The following CAMSAP1 variants were observed in gnomAD, a reference collection of about 807,000 sequenced individuals.
The protein encoded by CAMSAP1 is calmodulin-regulated spectrin-associated protein 1.
In CAMSAP1, 58 loss-of-function variants were observed where a neutral mutation model predicts 143.5. That is an observed-to-expected ratio of 0.40 (90% CI 0.33 to 0.50). CAMSAP1 has a LOEUF of 0.50. Ranked by LOEUF, CAMSAP1 falls within the 20% of genes least tolerant of loss-of-function variation. The pLI is 0.45. For missense variants in CAMSAP1, 1,969 were observed against 2,115.7 expected, an observed-to-expected ratio of 0.93 and a Z score of 1.36; for synonymous variants, 945 against 859.3, an observed-to-expected ratio of 1.10 and a Z score of -1.74.
chr9:135,872,758 T>G (rs568149777), intron 3 of CAMSAP1, among the ~76,000 whole-genome samples: 1 of 152,242 alleles, frequency 6.6e-6, no homozygotes, highest in Admixed American at 6.5e-5. Flanking sequence ...CCACCAGTGA[T>G]GAAAAGCAAC....
chr9:135,903,264 C>T (rs1206693704), intron 1 of CAMSAP1, among the ~76,000 whole-genome samples: 1 of 152,252 alleles, frequency 6.6e-6, no homozygotes. Flanking sequence ...AATGTGATGA[C>T]TAGTCAGGTT....
rs766685503 is a variant in CAMSAP1 at position 135,815,840 on chromosome 9, G to C, written c.4387+50C>G. ...ACAGATATTGAAAGAGCCACGCAAA[G>C]GCGTATGGCCATGCCCACGATGACC... is the stretch of plus-strand genomic sequence containing the variant. On this transcript the variant is annotated intron_variant, in intron 15 of 16. Coordinates refer to ENST00000389532, the MANE Select transcript of CAMSAP1 (RefSeq NM_015447.4). 12 of 1,447,230 alleles carry C rather than the reference G, an allele frequency of 8.3e-6. No individual in the cohort carries two copies. The African/African-American group carries it at 1.7e-4, about 20-fold the overall frequency. 89.6% of individuals were successfully genotyped at this position (1,447,230 alleles called of 1,614,324 possible).
intron 7 of CAMSAP1, chr9:135,849,920 G>C (rs1220055857): frequency 2.4e-6 from 1 of 411,104 alleles, no homozygotes; most frequent in African/African-American, 2.0e-5. Context: ...TTTTAGAGTT[G>C]TGCAATTTTT....
chr9:135,808,908 T>C lies in CAMSAP1; in HGVS notation c.*2401A>G, dbSNP rs937858473. ...TTTGGTTTACACTTTCTTTACAAAG[T>C]TATATCCTAAATGGGTAGAGCAGCT... On this transcript the variant is annotated 3_prime_UTR_variant, in exon 17 of 17. Coordinates refer to ENST00000389532, the MANE Select transcript of CAMSAP1 (RefSeq NM_015447.4). 2.0e-5 allele frequency: 3 copies of C among 152,214 alleles called. No individual in the cohort carries two copies. Among genetic ancestry groups the C allele is most frequent in the Non-Finnish European group, 4.4e-5 (3 of 68,030 alleles). 9.4% of individuals were successfully genotyped at this position (152,214 alleles called of 1,614,324 possible). A position where few individuals can be genotyped will look rare whatever the true frequency, so the allele number is the denominator to read the frequency against.
chr9:135,884,314 C>G (rs1838054797), intron 1 of CAMSAP1, among the ~76,000 whole-genome samples: 1 of 152,102 alleles, frequency 6.6e-6, no homozygotes, highest in Non-Finnish European at 1.5e-5. Context: ...AAGCTCTTCC[C>G]CAGGGGAAGA....
At chr9:135,842,587 G>A (rs571520722) in intron 7 of CAMSAP1, among the ~76,000 whole-genome samples, 30 of 152,304 alleles carry the variant, frequency 2.0e-4, no homozygotes, top group African/African-American at 7.2e-4. Context: ...AGTGCAGCCA[G>A]AGAGAAAGGT....
intron 1 of CAMSAP1, among the ~76,000 whole-genome samples, chr9:135,896,115 G>A (rs2131017572): frequency 6.6e-6 from 1 of 152,216 alleles, no homozygotes; most frequent in East Asian, 1.9e-4. Context: ...AGACAGACTG[G>A]TAGAGGGTAG....
chr9:135,812,924 C>CCAG (rs1181475067), intron 16 of CAMSAP1, among the ~76,000 whole-genome samples: 2 of 151,676 alleles, frequency 1.3e-5, no homozygotes, highest in East Asian at 3.9e-4. Context: ...CCACTGTACT[C>CCAG]CAGTCTGGGC....
chr9:135,820,887 G>A lies in CAMSAP1; in HGVS notation c.3774C>T (p.Asp1258=). ...GELVSLDGSA[D]LVSEGDQKPG... is the part of the protein sequence containing the mutation. ...GCTTCTGGTCGCCTTCGCTGACAAG[G>A]TCCGCCGAGCCATCGAGGCTTACCA... The change falls in exon 11 of 17, where the codon GAC becomes GAT. Residue 1258 remains aspartate, a synonymous_variant. Coordinates refer to ENST00000389532, the MANE Select transcript of CAMSAP1 (RefSeq NM_015447.4). The surrounding 1 kb of genome is among the most constrained non-coding windows in gnomAD (Gnocchi z 4.4). 2 of 1,613,606 alleles carry A rather than the reference G, an allele frequency of 1.2e-6. No homozygotes were observed. Among genetic ancestry groups the A allele is most frequent in the Non-Finnish European group, 1.7e-6 (2 of 1,179,902 alleles).
At chr9:135,828,351 A>G (rs2131677549) in intron 7 of CAMSAP1, among the ~76,000 whole-genome samples, 1 of 152,260 alleles carries the variant, frequency 6.6e-6, no homozygotes, top group South Asian at 2.1e-4. Context: ...TGGAGGAGGG[A>G]AGTAAGGACG....
chr9:135,841,963 T>C lies in CAMSAP1; in HGVS notation c.1045+8174A>G, dbSNP rs1249955677. Among the ~76,000 whole-genome samples the C allele has an allele frequency of 2.0e-5, 3 of 152,124 alleles. No homozygotes were observed. In the East Asian group the frequency reaches 5.8e-4, roughly 29 times the overall value. On this transcript the variant is annotated intron_variant, in intron 7 of 16. Transcript: ENST00000389532. ...TCTCCTCCAAAGGATCACAACTCCT[T>C]GCCAGCAAGGGAACAAAGCTGGACG... is the stretch of plus-strand genomic sequence containing the variant.
In CAMSAP1 at chr9:135,818,359, G is replaced by GC; in HGVS notation, c.4168+48dup. 6.6e-7 allele frequency: 1 copy of GC among 1,505,844 alleles called. No homozygotes were observed. The highest frequency in any genetic ancestry group is 1.4e-5 in the African/African-American group (1 of 72,340). The allele number at this position is 1,505,844 out of a possible 1,614,324, so 93.3% of individuals were successfully genotyped here. A position where few individuals can be genotyped will look rare whatever the true frequency, so the allele number is the denominator to read the frequency against. ...GAAATGAGCTGAAGAACGTGAGGCCGCCGCCCGCGGAAGGAAGCGCTGCCC... is the reference window on the plus strand; with the variant it reads ...GAAATGAGCTGAAGAACGTGAGGCCGCCCGCCCGCGGAAGGAAGCGCTGCCC... On this transcript the variant is annotated intron_variant, in intron 13 of 16. Transcript: ENST00000389532. This position sits in a 1 kb window ranked among gnomAD's most constrained non-coding sequence, Gnocchi z 7.7.
At chr9:135,877,373 C>A (rs939806854) in intron 3 of CAMSAP1, among the ~76,000 whole-genome samples, 3 of 151,554 alleles carry the variant, frequency 2.0e-5, no homozygotes, top group African/African-American at 7.3e-5. Flanking sequence ...CATGAAAGAG[C>A]TTGTTTAGGG....
chr9:135,847,698 G>A (rs923061545), intron 7 of CAMSAP1, among the ~76,000 whole-genome samples: 9 of 148,066 alleles, frequency 6.1e-5, no homozygotes, highest in Admixed American at 6.8e-5. Context: ...CACACCTGTC[G>A]GGGGGTGGGA....
intron 7 of CAMSAP1, among the ~76,000 whole-genome samples, chr9:135,828,933 A>T (rs1020376625): frequency 6.6e-6 from 1 of 152,190 alleles, no homozygotes; most frequent in Non-Finnish European, 1.5e-5. Context: ...AAAAACCCCA[A>T]CCAAGAACAT....
chr9:135,907,202 G>T lies in CAMSAP1; in HGVS notation c.-43C>A, dbSNP rs1261324125. On this transcript the variant is annotated 5_prime_UTR_variant, in exon 1 of 17. Transcript: ENST00000389532. Reference sequence around the variant, plus strand: ...AGGCGGCGGCCCGGCCGCAACAAAGGCGCCGCCGCCCCTCGCCGCGCCGGG... The same window carrying T: ...AGGCGGCGGCCCGGCCGCAACAAAGTCGCCGCCGCCCCTCGCCGCGCCGGG... 4 of 1,046,224 alleles carry T rather than the reference G, an allele frequency of 3.8e-6. No homozygotes were observed. Among genetic ancestry groups the T allele is most frequent in the Non-Finnish European group, 4.6e-6 (4 of 868,826 alleles). 64.8% of individuals were successfully genotyped at this position (1,046,224 alleles called of 1,614,324 possible). A position where few individuals can be genotyped will look rare whatever the true frequency, so the allele number is the denominator to read the frequency against.
chr9:135,868,609 A>AT (rs767495608), intron 3 of CAMSAP1, among the ~76,000 whole-genome samples: 5,688 of 93,334 alleles, frequency 0.061, 816 homozygotes, highest in African/African-American at 0.11. Context: ...GAGATTGGCA[A>AT]TTTTTTTTTT....
At chr9:135,857,790 G>A (rs773418232) in intron 5 of CAMSAP1, among the ~76,000 whole-genome samples, 2 of 152,116 alleles carry the variant, frequency 1.3e-5, no homozygotes, top group Non-Finnish European at 2.9e-5. Context: ...TGAGAGAGAC[G>A]GTGGCTTCTG....
At chr9:135,866,606 C>A in intron 3 of CAMSAP1, 70 bp from the exon 4 acceptor site, 1 of 747,188 alleles carries the variant, frequency 1.3e-6, no homozygotes, top group Non-Finnish European at 2.4e-6. Context: ...ACAATTATCC[C>A]CCAGAGACCC....
Sources: allele counts gnomAD v4.1 joint callset (sites outside exome capture counted in the v4.1 genomes callset), GRCh38; gene constraint gnomAD v4.1.1; non-coding constraint Gnocchi (gnomAD v3.1); transcripts MANE v1.5; gene names NCBI Gene and HGNC (gene_info 2026-07-23, HGNC 2026-07-21).